ARHGEF38: variants seen among roughly 807,000 people sequenced by gnomAD.
ARHGEF38 encodes the protein Rho guanine nucleotide exchange factor (GEF) 38.
In ARHGEF38, 79 loss-of-function variants were observed where a neutral mutation model predicts 79.9. The observed-to-expected ratio is 0.99, with a 90% CI of 0.82 to 1.19. The LOEUF is 1.19. ARHGEF38 is among the 50% of genes most tolerant of loss of function. The pLI is 0.00. For missense variants in ARHGEF38, 962 were observed against 907.2 expected, an observed-to-expected ratio of 1.06 and a Z score of -0.78; for synonymous variants, 366 against 328.3, an observed-to-expected ratio of 1.11 and a Z score of -1.24.
Position 105,667,628 on chromosome 4 carries a change from A to T in ARHGEF38, c.2073A>T (p.Ser691=). ...TSESSIGDSS[S]SLSGTCGKFE... is the part of the protein sequence containing the mutation. Reference sequence around the variant, plus strand: ...AAAGCAGCATTGGTGATAGCAGCTCATCTCTTAGTGGCACATGTGGAAAGT... The same window carrying T: ...AAAGCAGCATTGGTGATAGCAGCTCTTCTCTTAGTGGCACATGTGGAAAGT... The change falls in exon 13 of 14, where the codon TCA becomes TCT. Residue 691 remains serine (S), a synonymous_variant. Coordinates refer to ENST00000420470, the MANE Select transcript of ARHGEF38 (RefSeq NM_001242729.2). 6.5e-7 allele frequency: 1 copy of T among 1,536,368 alleles called. No homozygotes were observed.
chr4:105,561,407 ATAGAATAGAATAGAATGG>A lies in ARHGEF38; in HGVS notation c.196+8447_196+8464del, dbSNP rs1560684153. Among the ~76,000 whole-genome samples, 35 of 38,196 alleles carry A rather than the reference ATAGAATAGAATAGAATGG, an allele frequency of 9.2e-4. 2 individuals are homozygous for A. Among genetic ancestry groups the A allele is most frequent in the African/African-American group, 3.4e-3 (34 of 9,932 alleles). The allele number at this position is 38,196 out of a possible 152,430, so 25.1% of individuals were successfully genotyped here. A position where few individuals can be genotyped will look rare whatever the true frequency, so the allele number is the denominator to read the frequency against. On this transcript the variant is annotated intron_variant, in intron 1 of 13. Transcript: ENST00000420470. ...CTCAAAAATAGAGTAGAATAATAGA[ATAGAATAGAATAGAATGG>A]AATAGAATAGAATAGAATAGAATGG...
At position 105,667,337 on chromosome 4, in the gene ARHGEF38, T is replaced by C. The variant is rs2110577536; in HGVS notation, c.1888+10T>C. 1 of 1,535,464 alleles carries C rather than the reference T, an allele frequency of 6.5e-7. No individual in the cohort carries two copies. Among genetic ancestry groups the C allele is most frequent in the East Asian group, 2.4e-5 (1 of 40,900 alleles). ...CTTGTGGACACAGGAAGTAAGTTTT[T>C]CCCCAGAACTACCACTCTTCTTTAA... On this transcript the variant is annotated intron_variant, in intron 12 of 13. Transcript: ENST00000420470.
At position 105,648,689 on chromosome 4, in the gene ARHGEF38, T is replaced by C; in HGVS notation, c.1008+7T>C. 1.3e-6 allele frequency: 2 copies of C among 1,503,768 alleles called. No homozygotes were observed. The highest frequency in any genetic ancestry group is 1.8e-6 in the Non-Finnish European group (2 of 1,135,230). 93.2% of individuals were successfully genotyped at this position (1,503,768 alleles called of 1,614,324 possible). ...GACCAGAGGAGAATCACAGGTAATTTTTCTTCTTGGACCACCCACCTTTTC... is the reference window on the plus strand; with the variant it reads ...GACCAGAGGAGAATCACAGGTAATTCTTCTTCTTGGACCACCCACCTTTTC... On this transcript the variant is annotated splice_region_variant and intron_variant, in intron 7 of 13. Coordinates refer to ENST00000420470, the MANE Select transcript of ARHGEF38 (RefSeq NM_001242729.2).
At position 105,679,304 on chromosome 4, in the gene ARHGEF38, G is replaced by T; in HGVS notation, c.*1367G>T. The T allele has an allele frequency of 1.3e-6, 1 of 774,972 alleles. No homozygotes were observed. Among genetic ancestry groups the T allele is most frequent in the Non-Finnish European group, 2.2e-6 (1 of 445,208 alleles). 48.0% of individuals were successfully genotyped at this position (774,972 alleles called of 1,614,324 possible). On this transcript the variant is annotated 3_prime_UTR_variant, in exon 14 of 14. Coordinates refer to ENST00000420470, the MANE Select transcript of ARHGEF38 (RefSeq NM_001242729.2). ...TATCCAGCCGGAATCATGCCACTTT[G>T]CCTGTAACCTTTGACTCAATTGGAG...
chr4:105,600,837 T>C (rs977638655), intron 2 of ARHGEF38, among the ~76,000 whole-genome samples: 3 of 152,226 alleles, frequency 2.0e-5, no homozygotes, highest in African/African-American at 7.2e-5. Context: ...GGAGTCATCC[T>C]TAACTTTTTC....
rs553467264 is a variant in ARHGEF38, at chr4:105,645,217, C to T, written c.704C>T (p.Ser235Phe). 4 of 1,530,258 alleles carry T rather than the reference C, an allele frequency of 2.6e-6. No individual in the cohort carries two copies. The highest frequency in any genetic ancestry group is 4.9e-5 in the East Asian group (2 of 40,806). 94.8% of individuals were successfully genotyped at this position (1,530,258 alleles called of 1,614,324 possible). A position where few individuals can be genotyped will look rare whatever the true frequency, so the allele number is the denominator to read the frequency against. ...EGKPNLLDMG[S>F]LMIKPIQRVM... ...AAACCAAACTTATTGGACATGGGCT[C>T]TTTGATGATCAAACCAATTCAACGT... The change falls in exon 6 of 14, where the codon TCT becomes TTT. Residue 235 changes from serine to phenylalanine, a missense_variant. Ser to Phe is a radical substitution (Grantham distance 155). Coordinates refer to ENST00000420470, the MANE Select transcript of ARHGEF38 (RefSeq NM_001242729.2).
At position 105,678,132 on chromosome 4, in the gene ARHGEF38, A is replaced by T. The variant is rs907904300; in HGVS notation, c.*195A>T. 5 of 413,700 alleles carry T rather than the reference A, an allele frequency of 1.2e-5. No homozygotes were observed. The highest frequency in any genetic ancestry group is 1.0e-4 in the African/African-American group (5 of 49,152). 25.6% of individuals were successfully genotyped at this position (413,700 alleles called of 1,614,324 possible). On this transcript the variant is annotated 3_prime_UTR_variant, in exon 14 of 14. Coordinates refer to ENST00000420470, the MANE Select transcript of ARHGEF38 (RefSeq NM_001242729.2). ...TGTATTATAAAGGATACATGTTGAA[A>T]GAAATACTAAGCCAACAGAAATAGC...
In ARHGEF38 at chr4:105,645,240, C is replaced by A. The variant is rs939527449; in HGVS notation, c.727C>A (p.Arg243Ser). The stretch of plus-strand genomic sequence containing the variant: ...CTCTTTGATGATCAAACCAATTCAA[C>A]GTGTGATGAAATACCCCCTATTACT... ...MGSLMIKPIQ[R>S]VMKYPLLLCE... The change falls in exon 6 of 14, where the codon CGT becomes AGT. Residue 243 changes from arginine (R) to serine (S), a missense_variant. By Grantham distance (110) the Arg-to-Ser change is moderately radical. Coordinates refer to ENST00000420470, the MANE Select transcript of ARHGEF38 (RefSeq NM_001242729.2). The A allele has an allele frequency of 2.6e-6, 4 of 1,535,234 alleles. No individual in the cohort carries two copies. The South Asian group carries it at 3.6e-5, about 14-fold the overall frequency.
chr4:105,594,464 A>G (rs2110466150), intron 2 of ARHGEF38, among the ~76,000 whole-genome samples: 1 of 152,346 alleles, frequency 6.6e-6, no homozygotes, highest in East Asian at 1.9e-4. Flanking sequence ...CAACATAAAT[A>G]TTTTACAACT....
intron 2 of ARHGEF38, among the ~76,000 whole-genome samples, chr4:105,608,281 C>A (rs1353346780): frequency 6.6e-6 from 1 of 152,032 alleles, no homozygotes; most frequent in African/African-American, 2.4e-5. Context: ...GTGGTCATAT[C>A]TCATTTGATT....
intron 1 of ARHGEF38, among the ~76,000 whole-genome samples, chr4:105,579,468 T>G (rs1053213398): frequency 6.6e-6 from 1 of 152,228 alleles, no homozygotes; most frequent in African/African-American, 2.4e-5. Context: ...CAAAAGCCTT[T>G]TCTGCATCTG....
chr4:105,579,196 A>G (rs1726657033), intron 1 of ARHGEF38, among the ~76,000 whole-genome samples: 1 of 151,944 alleles, frequency 6.6e-6, no homozygotes, highest in Non-Finnish European at 1.5e-5. Flanking sequence ...AAACAGGAAT[A>G]CTTTCACTAT....
At chr4:105,555,006 A>G (rs2110384787) in intron 1 of ARHGEF38, among the ~76,000 whole-genome samples, 1 of 152,320 alleles carries the variant, frequency 6.6e-6, no homozygotes, top group Middle Eastern at 3.4e-3. Flanking sequence ...CAAAATAAAA[A>G]CAGAAAATAA....
At chr4:105,586,500 A>G (rs1299343255) in intron 1 of ARHGEF38, among the ~76,000 whole-genome samples, 4 of 152,164 alleles carry the variant, frequency 2.6e-5, no homozygotes, top group Non-Finnish European at 4.4e-5. Flanking sequence ...TTAATTGACA[A>G]AATCTGATGT....
chr4:105,661,474 T>TTTATTATTATTA (rs140964351), intron 10 of ARHGEF38, among the ~76,000 whole-genome samples: 21 of 141,794 alleles, frequency 1.5e-4, no homozygotes, highest in African/African-American at 4.4e-4. Context: ...TCCACACCTC[T>TTTATTATTATTA]TTATTATTAT....
intron 2 of ARHGEF38, among the ~76,000 whole-genome samples, chr4:105,594,960 T>C (rs972990532): frequency 1.3e-5 from 2 of 152,190 alleles, no homozygotes; most frequent in Non-Finnish European, 2.9e-5. Context: ...CTCTATGTTT[T>C]TGGCTATAAG....
chr4:105,629,335 C>T (rs1350996397), intron 3 of ARHGEF38, among the ~76,000 whole-genome samples: 2 of 152,060 alleles, frequency 1.3e-5, no homozygotes, highest in South Asian at 2.1e-4. Context: ...GACAGGACTT[C>T]GGGAAAATCA....
intron 5 of ARHGEF38, among the ~76,000 whole-genome samples, chr4:105,640,739 T>C (rs2110532345): frequency 6.6e-6 from 1 of 152,334 alleles, no homozygotes; most frequent in East Asian, 1.9e-4. Flanking sequence ...TGGTTTATAG[T>C]TTGATTTGCT....
intron 1 of ARHGEF38, among the ~76,000 whole-genome samples, chr4:105,561,424 GGAATAGAATAGAATA>G (rs1725544021): frequency 1.5e-4 from 8 of 53,016 alleles, no homozygotes; most frequent in East Asian, 1.2e-3. Flanking sequence ...AGAATAGAAT[GGAATAGAATAGAATA>G]GAATAGAATG....
Sources: allele counts gnomAD v4.1 joint callset (sites outside exome capture counted in the v4.1 genomes callset), GRCh38; gene constraint gnomAD v4.1.1; transcripts MANE v1.5; gene names NCBI Gene and HGNC (gene_info 2026-07-23, HGNC 2026-07-21).